Variants in CYP24A1 observed in about 807,000 individuals in gnomAD.
The protein encoded by CYP24A1 is 1,25-dihydroxyvitamin D(3) 24-hydroxylase, mitochondrial.
In CYP24A1, 68 loss-of-function variants were observed where a neutral mutation model predicts 62.4. The observed-to-expected ratio is 1.09, with a 90% CI of 0.90 to 1.33. CYP24A1 has a LOEUF of 1.33. Among genes scored for constraint, CYP24A1 ranks in the 40% most tolerant of loss-of-function variants. The pLI is 0.00. For missense variants in CYP24A1, 787 were observed against 653.0 expected (o/e 1.21, Z -2.24); for synonymous variants, 267 against 253.0 (o/e 1.06, Z -0.52).
At chr20:54,157,350 G>C in intron 10 of CYP24A1, 38 bp downstream of exon 10, 1 of 1,486,438 alleles carries the variant, frequency 6.7e-7, no homozygotes, top group African/African-American at 1.4e-5. Context: ...TTGTGAAACA[G>C]CACAGAACAT....
chr20:54,157,242 C>A lies in CYP24A1; in HGVS notation c.1482G>T (p.Glu494Asp). 6.2e-7 allele frequency: 1 copy of A among 1,613,514 alleles called. No homozygotes were observed. ...DIQATDNEPV[E>D]MLHSGTLVPS... is the part of the protein sequence containing the mutation. ...GCACCAGGGTGCCTGAGTGTAGCATCTCAACAGGCTCATTGTCTGTGGCCT... is the reference window on the plus strand; with the variant it reads ...GCACCAGGGTGCCTGAGTGTAGCATATCAACAGGCTCATTGTCTGTGGCCT... Residue 494 changes from glutamate (E) to aspartate (D), a missense_variant, in exon 11 of 12, where the codon GAG becomes GAT. Coordinates refer to ENST00000216862, the MANE Select transcript of CYP24A1 (RefSeq NM_000782.5).
At chr20:54,164,330 T>C in intron 6 of CYP24A1, 122 bp downstream of exon 6, 1 of 1,576,308 alleles carries the variant, frequency 6.3e-7, no homozygotes, top group Non-Finnish European at 8.6e-7. Context: ...CCAAAACACC[T>C]GTGTTTGCAA....
intron 4 of CYP24A1, among the ~76,000 whole-genome samples, chr20:54,166,943 G>C (rs185581234): frequency 1.1e-3 from 166 of 152,260 alleles, no homozygotes; most frequent in African/African-American, 3.9e-3. Flanking sequence ...GGAGGCTGAG[G>C]TGGGAAGATC....
At chr20:54,172,682 C>A in intron 2 of CYP24A1, 1 of 1,011,834 alleles carries the variant, frequency 9.9e-7, no homozygotes, top group Non-Finnish European at 1.4e-6. Context: ...TGCCCTGTTG[C>A]CAGAGAGAAC....
chr20:54,165,656 T>C, intron 5 of CYP24A1, 86 bp downstream of exon 5: 1 of 839,562 alleles, frequency 1.2e-6, no homozygotes, highest in East Asian at 2.4e-5. Flanking sequence ...GTGTATGCCA[T>C]TTTTTGGGAA....
Position 54,157,376 on chromosome 20 carries a change from T to C in CYP24A1, c.1434+12A>G. 6.4e-7 allele frequency: 1 copy of C among 1,554,034 alleles called. No individual in the cohort carries two copies. Among genetic ancestry groups the C allele is most frequent in the Non-Finnish European group, 8.9e-7 (1 of 1,125,106 alleles). On this transcript the variant is annotated intron_variant, in intron 10 of 11. Coordinates refer to ENST00000216862, the MANE Select transcript of CYP24A1 (RefSeq NM_000782.5). ...CACAGAACATAATTGCAGAAACCGG[T>C]AAAGGTTTTACCCAACAAAGAGCCA...
intron 11 of CYP24A1, among the ~76,000 whole-genome samples, chr20:54,156,912 G>A (rs1250001828): frequency 6.6e-6 from 1 of 152,000 alleles, no homozygotes; most frequent in Non-Finnish European, 1.5e-5. Flanking sequence ...AGCATTTACT[G>A]AACACTTAAT....
At chr20:54,155,607 C>G (rs1036344237) in intron 11 of CYP24A1, among the ~76,000 whole-genome samples, 4 of 151,740 alleles carry the variant, frequency 2.6e-5, no homozygotes, top group African/African-American at 9.7e-5. Flanking sequence ...GTGGTGTGCA[C>G]CTGCCTGTAA....
chr20:54,173,338 T>C lies in CYP24A1; in HGVS notation c.242A>G (p.Lys81Arg), dbSNP rs1034414661. The part of the protein sequence containing the change: ...LQILWKGGLK[K>R]QHDTLVEYHK... ...GGGGTTTACCAGGGTGTCGTGCTGT[T>C]TCTTGAGACCCCCTTTCCAGAGAAT... The change falls in exon 1 of 12, where the codon AAA becomes AGA. Residue 81 changes from lysine (K) to arginine (R), a missense_variant. Lys to Arg is a conservative substitution (Grantham distance 26). Coordinates refer to ENST00000216862, the MANE Select transcript of CYP24A1 (RefSeq NM_000782.5). This position sits in a 1 kb window ranked among gnomAD's most constrained non-coding sequence, Gnocchi z 7.2. 6.2e-7 allele frequency: 1 copy of C among 1,608,904 alleles called. No homozygotes were observed. Among genetic ancestry groups the C allele is most frequent in the African/African-American group, 1.3e-5 (1 of 75,012 alleles).
At chr20:54,152,155 C>T (rs1341295535), downstream of CYP24A1, among the ~76,000 whole-genome samples, 1 of 152,192 alleles carries the variant, frequency 6.6e-6, no homozygotes, top group Non-Finnish European at 1.5e-5. Flanking sequence ...ATGCTTTGCT[C>T]CTCATGGCTG....
Position 54,173,331 on chromosome 20 carries a change from G to A in CYP24A1, c.249C>T (p.His83=), listed in dbSNP as rs1383090763. ...ILWKGGLKKQ[H]DTLVEYHKKY... ...GCGAAAAGGGGTTTACCAGGGTGTC[G>A]TGCTGTTTCTTGAGACCCCCTTTCC... is the stretch of plus-strand genomic sequence containing the variant. Residue 83 remains histidine (H), a synonymous_variant, in exon 1 of 12, where the codon CAC becomes CAT. Transcript: ENST00000216862. This position sits in a 1 kb window ranked among gnomAD's most constrained non-coding sequence, Gnocchi z 7.2. The A allele has an allele frequency of 2.5e-6, 4 of 1,608,458 alleles. No individual in the cohort carries two copies. The highest frequency in any genetic ancestry group is 3.4e-6 in the Non-Finnish European group (4 of 1,176,600).
chr20:54,152,520 T>C (rs1186802581), downstream of CYP24A1, among the ~76,000 whole-genome samples: 1 of 152,162 alleles, frequency 6.6e-6, no homozygotes, highest in East Asian at 1.9e-4. Flanking sequence ...TCAAGGAAGA[T>C]TTCCTTCAGG....
At chr20:54,160,442 G>A (rs547632383) in intron 7 of CYP24A1, among the ~76,000 whole-genome samples, 5 of 152,196 alleles carry the variant, frequency 3.3e-5, no homozygotes, top group South Asian at 2.1e-4. Flanking sequence ...ACATGAAGAC[G>A]CTGTTGCTAA....
chr20:54,159,877 T>G (rs537286893), intron 7 of CYP24A1, among the ~76,000 whole-genome samples: 3 of 152,310 alleles, frequency 2.0e-5, no homozygotes, highest in Admixed American at 2.0e-4. Flanking sequence ...CTATTTTTTC[T>G]TAGAACTGAA....
chr20:54,172,429 T>G lies in CYP24A1; in HGVS notation c.449+480A>C, dbSNP rs533191320. ...TTTGATATCCCTCCTTATTCCACCT[T>G]TACAAGTAGAAATAAGGCATGTCCC... is the stretch of plus-strand genomic sequence containing the variant. On this transcript the variant is annotated intron_variant, in intron 2 of 11. Transcript: ENST00000216862. Among the ~76,000 whole-genome samples, 43 of 152,280 alleles carry G rather than the reference T, an allele frequency of 2.8e-4. No individual in the cohort carries two copies. The South Asian group carries it at 8.3e-3, about 29-fold the overall frequency.
At chr20:54,143,891 C>T in the CYP24A1 span, among the ~76,000 whole-genome samples, 2 of 151,574 alleles carry the variant, frequency 1.3e-5, no homozygotes, top group Admixed American at 6.6e-5. Context: ...TTTAAAAAAT[C>T]GTAAGTGAAT....
Position 54,172,944 on chromosome 20 carries a change from G to T in CYP24A1, c.414C>A (p.Arg138=). 1 of 1,613,708 alleles carries T rather than the reference G, an allele frequency of 6.2e-7. No individual in the cohort carries two copies. Among genetic ancestry groups the T allele is most frequent in the Non-Finnish European group, 8.5e-7 (1 of 1,180,028 alleles). ...RLEIKPWKAY[R]DYRKEGYGLL... ...GCCCGTAGCCTTCTTTGCGGTAGTC[G>T]CGATAGGCCTTCCACGGTTTGATCT... The change falls in exon 2 of 12, where the codon CGC becomes CGA. Residue 138 remains arginine (R), a synonymous_variant. Transcript: ENST00000216862.
rs866957869 is a variant in CYP24A1, at chr20:54,157,220, C to T, written c.1504G>A (p.Val502Met). ...GCGATGGGGAGTTCCCGGCTGGGCA[C>T]CAGGGTGCCTGAGTGTAGCATCTCA... ...PVEMLHSGTL[V>M]PSRELPIAFC... The change falls in exon 11 of 12, where the codon GTG becomes ATG. Residue 502 changes from valine to methionine, a missense_variant. Physicochemically the swap from Val to Met is conservative, Grantham distance 21. Coordinates refer to ENST00000216862, the MANE Select transcript of CYP24A1 (RefSeq NM_000782.5). The T allele has an allele frequency of 1.9e-6, 3 of 1,613,144 alleles. No homozygotes were observed. The South Asian group carries it at 3.3e-5, about 18-fold the overall frequency.
At chr20:54,165,682 G>A (rs1302642844) in intron 5 of CYP24A1, 60 bp downstream of exon 5, 3 of 905,646 alleles carry the variant, frequency 3.3e-6, no homozygotes, top group Middle Eastern at 2.1e-4. Context: ...GTGAAGTTCT[G>A]TAAAAATCGA....
Sources: allele counts gnomAD v4.1 joint callset (sites outside exome capture counted in the v4.1 genomes callset), GRCh38; gene constraint gnomAD v4.1.1; non-coding constraint Gnocchi (gnomAD v3.1); transcripts MANE v1.5; gene names NCBI Gene and HGNC (gene_info 2026-07-23, HGNC 2026-07-21).